DENND3: variants seen among roughly 807,000 people sequenced by gnomAD.
DENND3 encodes the protein DENN domain containing 3, also known as DENN domain-containing protein 3.
Under a neutral mutation model 135.1 loss-of-function variants are expected in DENND3, and 88 were observed. The observed-to-expected ratio is 0.65, with a 90% CI of 0.55 to 0.78. The LOEUF (loss-of-function observed/expected upper bound fraction) is 0.78, where lower values mean the gene tolerates loss of function less well. DENND3 is among the 30% of genes least tolerant of loss of function. The pLI, the probability that DENND3 is intolerant of heterozygous loss-of-function variation, is 0.00. For synonymous variants in DENND3, 693 were observed against 712.3 expected, an observed-to-expected ratio of 0.97 and a Z score of 0.43; for missense variants, 1,392 against 1,688.4, an observed-to-expected ratio of 0.82 and a Z score of 3.08.
chr8:141,186,184 C>T (rs565547640), intron 18 of DENND3, among the ~76,000 whole-genome samples: 1 of 152,284 alleles, frequency 6.6e-6, no homozygotes, highest in South Asian at 2.1e-4. Flanking sequence ...TACTGCAGCA[C>T]TAAGGTTCCC....
Position 141,141,118 on chromosome 8 carries a change from T to G in DENND3, c.502-85T>G. ...GGGATGGTGGACTCTCAGCTTGCTG[T>G]GTGCTGAAACGTGACCCAGTTGGAA... On this transcript the variant is annotated intron_variant, in intron 3 of 22. Transcript: ENST00000519811. This position sits in a 1 kb window ranked among gnomAD's most constrained non-coding sequence, Gnocchi z 5.3. The G allele has an allele frequency of 6.3e-7, 1 of 1,595,072 alleles. No homozygotes were observed. Among genetic ancestry groups the G allele is most frequent in the Non-Finnish European group, 8.6e-7 (1 of 1,167,582 alleles).
Position 141,139,359 on chromosome 8 carries a change from C to A in DENND3, c.501+1222C>A, listed in dbSNP as rs1817176110. 6.6e-6 allele frequency among the ~76,000 whole-genome samples: 1 copy of A among 152,158 alleles called. No homozygotes were observed. The highest frequency in any genetic ancestry group is 1.5e-5 in the Non-Finnish European group (1 of 68,034). Reference sequence around the variant, plus strand: ...GGCCCGGATGTTCTTAATGAATATGCAGGAGCAAAGCGTACTACTTGATGC... The same window carrying A: ...GGCCCGGATGTTCTTAATGAATATGAAGGAGCAAAGCGTACTACTTGATGC... On this transcript the variant is annotated intron_variant, in intron 3 of 22. Transcript: ENST00000519811. This position sits in a 1 kb window ranked among gnomAD's most constrained non-coding sequence, Gnocchi z 4.2.
intron 17 of DENND3, 83 bp downstream of exon 17, chr8:141,180,937 G>A: frequency 9.2e-7 from 1 of 1,090,832 alleles, no homozygotes; most frequent in Non-Finnish European, 1.3e-6. Flanking sequence ...CAGCCCTGAA[G>A]TGAAAGGGGA....
intron 1 of DENND3, 119 bp from the exon 2 acceptor site, chr8:141,136,390 C>T (rs550706394): frequency 1.0e-5 from 11 of 1,065,154 alleles, no homozygotes; most frequent in East Asian, 7.8e-5. Context: ...GAGCCTGAGG[C>T]GCCAGTGTTT....
At position 141,193,947 on chromosome 8, in the gene DENND3, C is replaced by T. The variant is rs533227900; in HGVS notation, c.3637-86C>T. 1.6e-4 allele frequency: 234 copies of T among 1,428,906 alleles called. 1 individual carries two copies. The African/African-American group carries it at 2.4e-3, about 15-fold the overall frequency. The allele number at this position is 1,428,906 out of a possible 1,614,324, so 88.5% of individuals were successfully genotyped here. The stretch of plus-strand genomic sequence containing the variant: ...AAGGACATAGATTTGGAGGCACACG[C>T]GTCAATTCTGGGTAGCCGGGCAAAG... On this transcript the variant is annotated intron_variant, in intron 22 of 22. Transcript: ENST00000519811.
Position 141,144,241 on chromosome 8 carries a change from A to C in DENND3, c.717A>C (p.Pro239=). Residue 239 remains proline (P), a synonymous_variant, in exon 5 of 23, where the codon CCA becomes CCC. Coordinates refer to ENST00000519811, the MANE Select transcript of DENND3 (RefSeq NM_001352890.3). This position sits in a 1 kb window ranked among gnomAD's most constrained non-coding sequence, Gnocchi z 4.4. ...AAKLSLIPSP[P]PGPLHLVFNM... ...AGCTGTCTTTAATACCCAGCCCGCC[A>C]CCTGGACCGCTCCATTTGGTAAAGT... 6.2e-7 allele frequency: 1 copy of C among 1,613,296 alleles called. No homozygotes were observed. The highest frequency in any genetic ancestry group is 8.5e-7 in the Non-Finnish European group (1 of 1,179,762).
At chr8:141,186,576 T>C (rs140648739) in intron 18 of DENND3, among the ~76,000 whole-genome samples, 2,331 of 152,356 alleles carry the variant, frequency 0.015, 51 homozygotes, top group African/African-American at 0.048. Context: ...GTGTATTTTA[T>C]GTGTGGCCCA....
At chr8:141,169,305 G>A (rs1445212632) in intron 13 of DENND3, among the ~76,000 whole-genome samples, 1 of 152,282 alleles carries the variant, frequency 6.6e-6, no homozygotes, top group Non-Finnish European at 1.5e-5. Flanking sequence ...GGTTGGCGGG[G>A]CCCTTAGGCA....
chr8:141,137,279 C>G lies in DENND3; in HGVS notation c.385+488C>G, dbSNP rs1048699459. ...ACAGGCGTGAGCCACCGTGCTCGAC[C>G]TACCTTGGGGATTTTAAAGCTGAAG... On this transcript the variant is annotated intron_variant, in intron 2 of 22. Transcript: ENST00000519811. The surrounding 1 kb of genome is among the most constrained non-coding windows in gnomAD (Gnocchi z 4.1). Among the ~76,000 whole-genome samples the G allele has an allele frequency of 2.2e-4, 34 of 152,330 alleles. No homozygotes were observed. The highest frequency in any genetic ancestry group is 7.7e-4 in the African/African-American group (32 of 41,578).
At chr8:141,189,223 A>AGTCTT in intron 19 of DENND3, 77 bp downstream of exon 19, 1 of 1,595,360 alleles carries the variant, frequency 6.3e-7, no homozygotes, top group African/African-American at 1.3e-5. Flanking sequence ...AGGGTTCCCA[A>AGTCTT]GTCTTGTGCC....
chr8:141,178,747 T>C (rs998219975), intron 16 of DENND3, among the ~76,000 whole-genome samples: 4 of 152,252 alleles, frequency 2.6e-5, no homozygotes, highest in Non-Finnish European at 4.4e-5. Flanking sequence ...AGGAATCCTC[T>C]GACTGTCCTG....
At chr8:141,150,730 T>G (rs35212078) in intron 5 of DENND3, 104 bp from the exon 6 acceptor site, 467,669 of 1,398,782 alleles carry the variant, frequency 0.33, 79,886 homozygotes, top group Non-Finnish European at 0.35. Flanking sequence ...TTCAGAAATG[T>G]TTTCTAACTC....
chr8:141,181,825 G>A (rs1823158365), intron 17 of DENND3, among the ~76,000 whole-genome samples: 1 of 152,068 alleles, frequency 6.6e-6, no homozygotes, highest in Admixed American at 6.5e-5. Context: ...AGGCTGGAGT[G>A]TAGTTGGTGC....
intron 9 of DENND3, 96 bp from the exon 10 acceptor site, chr8:141,163,237 C>T (rs1316075928): frequency 2.1e-5 from 13 of 612,356 alleles, no homozygotes; most frequent in Non-Finnish European, 3.4e-5. Context: ...TTTCAAAGTT[C>T]GTATCTCTTC....
Position 141,175,067 on chromosome 8 carries a change from A to C in DENND3, c.2276-133A>C, listed in dbSNP as rs1822151447. 4.8e-6 allele frequency: 5 copies of C among 1,050,418 alleles called. No individual in the cohort carries two copies. The highest frequency in any genetic ancestry group is 6.9e-6 in the Non-Finnish European group (5 of 724,740). The allele number at this position is 1,050,418 out of a possible 1,614,324, so 65.1% of individuals were successfully genotyped here. A position where few individuals can be genotyped will look rare whatever the true frequency, so the allele number is the denominator to read the frequency against. ...GAAACCTTCTAGGCAGTTTCCATCC[A>C]GCGCCCTGAGTGCTGGCGCCACCTG... On this transcript the variant is annotated intron_variant, in intron 13 of 22. Coordinates refer to ENST00000519811, the MANE Select transcript of DENND3 (RefSeq NM_001352890.3). This position sits in a 1 kb window ranked among gnomAD's most constrained non-coding sequence, Gnocchi z 5.4.
At chr8:141,132,510 A>T (rs1164226112) in intron 1 of DENND3, among the ~76,000 whole-genome samples, 1 of 151,998 alleles carries the variant, frequency 6.6e-6, no homozygotes, top group African/African-American at 2.4e-5. Context: ...GGCATGTACG[A>T]CTATGCCTGG....
chr8:141,160,455 C>T lies in DENND3; in HGVS notation c.1197-177C>T, dbSNP rs145071502. 7.4e-3 allele frequency among the ~76,000 whole-genome samples: 1,121 copies of T among 152,334 alleles called. 15 individuals are homozygous for T. Among genetic ancestry groups the T allele is most frequent in the African/African-American group, 0.026 (1,069 of 41,564 alleles). On this transcript the variant is annotated intron_variant, in intron 8 of 22. Transcript: ENST00000519811. The stretch of plus-strand genomic sequence containing the variant: ...TCGGCCTCCCAAAGTGCTGGGATTA[C>T]AGGCGTGAGCCACCGCGTCCAGCCC...
In DENND3 at chr8:141,194,288, C is replaced by T; in HGVS notation, c.*55C>T. On this transcript the variant is annotated 3_prime_UTR_variant, in exon 23 of 23. Coordinates refer to ENST00000519811, the MANE Select transcript of DENND3 (RefSeq NM_001352890.3). ...GCCCTATGTGTGGGGACTGGCTGCCCCCTAGAGCCTGCCAGGAGCAGAAGC... is the reference window on the plus strand; with the variant it reads ...GCCCTATGTGTGGGGACTGGCTGCCTCCTAGAGCCTGCCAGGAGCAGAAGC... 2 of 1,574,656 alleles carry T rather than the reference C, an allele frequency of 1.3e-6. No homozygotes were observed. Among genetic ancestry groups the T allele is most frequent in the Non-Finnish European group, 1.7e-6 (2 of 1,159,644 alleles).
Position 141,137,770 on chromosome 8 carries a change from G to C in DENND3, c.386-252G>C, listed in dbSNP as rs1816947534. Among the ~76,000 whole-genome samples the C allele has an allele frequency of 1.3e-5, 2 of 152,362 alleles. No homozygotes were observed. Among genetic ancestry groups the C allele is most frequent in the South Asian group, 4.1e-4 (2 of 4,832 alleles). ...ACCTGGGACAGGCGCCAGGTGGGCG[G>C]CTGTGCCCAGCAAGCACTGCCACTG... On this transcript the variant is annotated intron_variant, in intron 2 of 22. Coordinates refer to ENST00000519811, the MANE Select transcript of DENND3 (RefSeq NM_001352890.3). This position sits in a 1 kb window ranked among gnomAD's most constrained non-coding sequence, Gnocchi z 4.1.
Sources: gnomAD v4.1 joint callset for allele counts (sites outside exome capture counted in the v4.1 genomes callset) on GRCh38, gnomAD v4.1.1 for gene constraint, Gnocchi (gnomAD v3.1) non-coding constraint, MANE v1.5 for transcripts, NCBI Gene and HGNC (gene_info 2026-07-23, HGNC 2026-07-21) for gene names.